RYR2: variants seen among roughly 807,000 people sequenced by gnomAD.
RYR2 encodes ryanodine receptor 2.
Under a neutral mutation model 601.1 loss-of-function variants are expected in RYR2, and 227 were observed. The ratio of observed to expected loss-of-function variants is 0.38; its 90% confidence interval spans 0.34 to 0.42. The LOEUF is 0.42. Ranked by LOEUF, RYR2 falls within the 10% of genes least tolerant of loss-of-function variation. RYR2 has a pLI of 1.00. For missense variants in RYR2, 4,646 were observed against 6,156.5 expected (o/e 0.75, Z 8.21); for synonymous variants, 2,223 against 2,175.1 (o/e 1.02, Z -0.61).
chr1:237,357,197 C>T (rs1699377219), intron 4 of RYR2, among the ~76,000 whole-genome samples: 1 of 152,094 alleles, frequency 6.6e-6, no homozygotes, highest in Non-Finnish European at 1.5e-5. Flanking sequence ...AACCGAACTA[C>T]TACTACTTTT....
At chr1:237,803,591 C>T (rs564346919) in intron 98 of RYR2, among the ~76,000 whole-genome samples, 13 of 152,302 alleles carry the variant, frequency 8.5e-5, no homozygotes, top group East Asian at 3.9e-4. Flanking sequence ...TGAGCCACCA[C>T]GCCCAGTCTT....
At chr1:237,756,552 G>T (rs901859114) in intron 81 of RYR2, among the ~76,000 whole-genome samples, 165 bp downstream of exon 81, 2 of 152,078 alleles carry the variant, frequency 1.3e-5, no homozygotes, top group Admixed American at 1.3e-4. Flanking sequence ...ATTGTTTACG[G>T]AGACCAATGT....
At chr1:237,178,399 CTTTTGTAGTTAAGGCTCTGTGTG>C (rs1202097870) in intron 1 of RYR2, among the ~76,000 whole-genome samples, 1 of 144,846 alleles carries the variant, frequency 6.9e-6, no homozygotes, top group Non-Finnish European at 1.5e-5. Flanking sequence ...AGTTAAGGCT[CTTTTGTAGTTAAGGCTCTGTGTG>C]TGTGTGTGTG....
chr1:237,563,404 T>TC (rs1449397608), intron 27 of RYR2, among the ~76,000 whole-genome samples: 1 of 87,588 alleles, frequency 1.1e-5, no homozygotes, highest in Admixed American at 1.5e-4. Context: ...AGAGCAAAAC[T>TC]CCATCTCAAA....
intron 3 of RYR2, among the ~76,000 whole-genome samples, chr1:237,340,856 A>G (rs1483787550): frequency 6.6e-6 from 1 of 152,236 alleles, no homozygotes; most frequent in East Asian, 1.9e-4. Context: ...TGAAGGGTTC[A>G]TAGCTAAAAA....
At chr1:237,097,316 C>G (rs1435309012) in intron 1 of RYR2, among the ~76,000 whole-genome samples, 1 of 152,122 alleles carries the variant, frequency 6.6e-6, no homozygotes, top group Admixed American at 6.5e-5. Flanking sequence ...GGGGAAGAAA[C>G]TGAGCTATAT....
At chr1:237,449,750 A>T in intron 14 of RYR2, among the ~76,000 whole-genome samples, 2 of 128,062 alleles carry the variant, frequency 1.6e-5, no homozygotes, top group Admixed American at 8.5e-5. Context: ...AGCATTCTAG[A>T]TTGACAAGTT....
intron 1 of RYR2, among the ~76,000 whole-genome samples, chr1:237,259,812 C>T (rs1294194402): frequency 6.6e-6 from 1 of 152,150 alleles, no homozygotes; most frequent in Non-Finnish European, 1.5e-5. Flanking sequence ...TGGTGGGGAA[C>T]TGAAGACTAG....
At chr1:237,598,623 C>T (rs891047087) in intron 34 of RYR2, among the ~76,000 whole-genome samples, 6 of 151,862 alleles carry the variant, frequency 4.0e-5, no homozygotes, top group Non-Finnish European at 4.4e-5. Context: ...ACAAAAATGG[C>T]GACACAACAT....
At chr1:237,351,533 A>G (rs1399243973) in intron 3 of RYR2, among the ~76,000 whole-genome samples, 1 of 152,066 alleles carries the variant, frequency 6.6e-6, no homozygotes, top group Non-Finnish European at 1.5e-5. Flanking sequence ...CAAACAATGA[A>G]AAGATAATAA....
Position 237,784,791 on chromosome 1 carries a change from C to A in RYR2, c.13079C>A (p.Ser4360Tyr). 6.2e-7 allele frequency: 1 copy of A among 1,610,784 alleles called. No individual in the cohort carries two copies. Among genetic ancestry groups the A allele is most frequent in the Non-Finnish European group, 8.5e-7 (1 of 1,177,668 alleles). Residue 4360 changes from serine to tyrosine, a missense_variant, in exon 90 of 105, where the codon TCC becomes TAC. This residue lies in a region of RYR2 where 364 missense variants were observed against 442.9 expected (regional missense o/e 0.82). Coordinates refer to ENST00000366574, the MANE Select transcript of RYR2 (RefSeq NM_001035.3). This position sits in a 1 kb window ranked among gnomAD's most constrained non-coding sequence, Gnocchi z 7.1. ...AAACCCCTGGAAGCCGCCCTGCCCT[C>A]CGAGGATCTGACCGACTTAAAGGAG... ...ERKPLEAALP[S>Y]EDLTDLKELT...
intron 67 of RYR2, 23 bp downstream of exon 67, chr1:237,705,366 G>C: frequency 6.3e-7 from 1 of 1,584,546 alleles, no homozygotes; most frequent in South Asian, 1.1e-5. Context: ...CATGTGCAGT[G>C]CTTTGAGATA....
chr1:237,408,751 C>A (rs1027280188), intron 10 of RYR2, among the ~76,000 whole-genome samples: 1 of 152,088 alleles, frequency 6.6e-6, no homozygotes, highest in Non-Finnish European at 1.5e-5. Context: ...TGCTTTGAAA[C>A]TATAGATCAA....
At chr1:237,464,674 A>T (rs1274339938) in intron 16 of RYR2, among the ~76,000 whole-genome samples, 3 of 152,178 alleles carry the variant, frequency 2.0e-5, no homozygotes, top group African/African-American at 4.8e-5. Context: ...TAAAAAACAC[A>T]GTTTTCTCCA....
At chr1:237,611,018 A>T in intron 36 of RYR2, 30 bp downstream of exon 36, 1 of 1,582,490 alleles carries the variant, frequency 6.3e-7, no homozygotes, top group South Asian at 1.1e-5. Flanking sequence ...TGACATTCTG[A>T]TTGGGACGCT....
chr1:237,409,702 A>C (rs1439176178), intron 10 of RYR2, among the ~76,000 whole-genome samples: 1 of 152,100 alleles, frequency 6.6e-6, no homozygotes, highest in Non-Finnish European at 1.5e-5. Flanking sequence ...TTGAAAGTTG[A>C]GTTTGGATAA....
Position 237,804,803 on chromosome 1 carries a change from C to A in RYR2, c.14152-1334C>A, listed in dbSNP as rs570942357. On this transcript the variant is annotated intron_variant, in intron 98 of 104. Transcript: ENST00000366574. ...TCATATAATTTCATAACTAGTAGGT[C>A]TCAGCAAACACTGATTTAGTCAGTG... is the stretch of plus-strand genomic sequence containing the variant. Among the ~76,000 whole-genome samples the A allele has an allele frequency of 4.6e-5, 7 of 152,212 alleles. No individual in the cohort carries two copies. The South Asian group carries it at 1.2e-3, about 27-fold the overall frequency.
At position 237,798,092 on chromosome 1, in the gene RYR2, G is replaced by T. The variant is rs1420186189; in HGVS notation, c.14012G>T (p.Gly4671Val). ...YGRDRISELL[G>V]MDKAALDFSD... is the part of the protein sequence containing the mutation. The stretch of plus-strand genomic sequence containing the variant: ...CGAGACAGAATCAGTGAATTACTTG[G>T]CATGGACAAGGCAGCTCTGGACTTC... The change falls in exon 97 of 105, where the codon GGC becomes GTC. Residue 4671 changes from glycine (G) to valine (V), a missense_variant. Gly to Val is a moderately radical substitution (Grantham distance 109). Transcript: ENST00000366574. The T allele has an allele frequency of 6.2e-7, 1 of 1,611,780 alleles. No homozygotes were observed. Among genetic ancestry groups the T allele is most frequent in the East Asian group, 2.2e-5 (1 of 44,836 alleles).
At chr1:237,744,801 T>C (rs1691932500) in intron 80 of RYR2, among the ~76,000 whole-genome samples, 1 of 119,972 alleles carries the variant, frequency 8.3e-6, no homozygotes, top group Admixed American at 8.0e-5. Flanking sequence ...TCCTTTGTAA[T>C]TTTTTTTTTT....
Sources: allele counts gnomAD v4.1 joint callset (sites outside exome capture counted in the v4.1 genomes callset), GRCh38; gene constraint gnomAD v4.1.1; regional missense constraint gnomAD v4.1.1; non-coding constraint Gnocchi (gnomAD v3.1); transcripts MANE v1.5; gene names NCBI Gene and HGNC (gene_info 2026-07-23, HGNC 2026-07-21).